Variants in IL21R observed in about 807,000 individuals in gnomAD.
IL21R encodes the protein interleukin-21 receptor.
IL21R carries 14 observed loss-of-function variants against 41.3 expected under a neutral mutation model. The ratio of observed to expected loss-of-function variants is 0.34; its 90% CI spans 0.22 to 0.53. The LOEUF (loss-of-function observed/expected upper bound fraction) is 0.53. Among genes scored for constraint, IL21R ranks in the 20% least tolerant of loss-of-function variants. The pLI, the probability that IL21R is intolerant of heterozygous loss-of-function variation, is 0.94. For synonymous variants in IL21R, 286 were observed against 287.6 expected, an observed-to-expected ratio of 0.99 and a Z score of 0.05; for missense variants, 588 against 681.6, an observed-to-expected ratio of 0.86 and a Z score of 1.53.
intron 3 of IL21R, among the ~76,000 whole-genome samples, chr16:27,436,812 C>A (rs1387970596): frequency 2.0e-5 from 3 of 152,182 alleles, no homozygotes; most frequent in Non-Finnish European, 4.4e-5. Context: ...GTGGCTCAGT[C>A]CTGTAATCCC....
At chr16:27,403,864 C>T (rs533129671) in intron 1 of IL21R, among the ~76,000 whole-genome samples, 3 of 152,300 alleles carry the variant, frequency 2.0e-5, no homozygotes, top group East Asian at 1.9e-4. Context: ...GGCACTTAAG[C>T]GTCTCCCATA....
At chr16:27,403,229 C>A in intron 1 of IL21R, 2 of 1,334,012 alleles carry the variant, frequency 1.5e-6, no homozygotes, top group Non-Finnish European at 2.0e-6. Context: ...TGGTAAGAGG[C>A]CAACCCAGTT....
intron 3 of IL21R, among the ~76,000 whole-genome samples, chr16:27,437,152 T>A (rs1308456449): frequency 2.0e-5 from 3 of 152,316 alleles, no homozygotes; most frequent in Non-Finnish European, 4.4e-5. Context: ...AGCCATCTGG[T>A]TGTTGGGACC....
rs2087577890 is a variant in IL21R, at chr16:27,450,606, CAG to C, written c.*1326_*1327del. 4.8e-6 allele frequency: 1 copy of C among 208,002 alleles called. No individual in the cohort carries two copies. Among genetic ancestry groups the C allele is most frequent in the Non-Finnish European group, 9.6e-6 (1 of 104,278 alleles). The allele number at this position is 208,002 out of a possible 1,614,324, so 12.9% of individuals were successfully genotyped here. On this transcript the variant is annotated 3_prime_UTR_variant, in exon 9 of 9. Coordinates refer to ENST00000337929, the MANE Select transcript of IL21R (RefSeq NM_181078.3). The stretch of plus-strand genomic sequence containing the variant: ...TCTTTTTTTTTTTTTTCTTTTGAGA[CAG>C]AGTCTCACTCTCGTCGCCCAGGCTG...
At position 27,451,315 on chromosome 16, in the gene IL21R, G is replaced by A; in HGVS notation, c.*2032G>A. On this transcript the variant is annotated 3_prime_UTR_variant, in exon 9 of 9. Transcript: ENST00000337929. ...GTGGCGGAGGGGAACACAGATGGTT[G>A]GGGAAGGCCTGAGGCCAGATTGGGG... 1 of 228,478 alleles carries A rather than the reference G, an allele frequency of 4.4e-6. No individual in the cohort carries two copies. The highest frequency in any genetic ancestry group is 6.2e-5 in the East Asian group (1 of 16,058). 14.2% of individuals were successfully genotyped at this position (228,478 alleles called of 1,614,324 possible).
chr16:27,411,506 A>AGGCT lies in IL21R; in HGVS notation c.-17+8891_-17+8894dup, dbSNP rs371021223. ...GAGACAGAGTCTTGCTCTGTTGCCC[A>AGGCT]GGCTGGAGTGCAGTGGTGTGATCTT... is the stretch of plus-strand genomic sequence containing the variant. On this transcript the variant is annotated intron_variant, in intron 1 of 8. Transcript: ENST00000337929. 6.1e-3 allele frequency among the ~76,000 whole-genome samples: 716 copies of AGGCT among 117,310 alleles called. 12 individuals carry two copies. The highest frequency in any genetic ancestry group is 0.022 in the African/African-American group (649 of 29,726). 77.0% of individuals were successfully genotyped at this position (117,310 alleles called of 152,430 possible). A position where few individuals can be genotyped will look rare whatever the true frequency, so the allele number is the denominator to read the frequency against.
chr16:27,423,760 T>C (rs188554706), intron 1 of IL21R, among the ~76,000 whole-genome samples: 3 of 152,338 alleles, frequency 2.0e-5, no homozygotes, highest in Admixed American at 2.0e-4. Context: ...CTCCTGATGA[T>C]GGCTATTTAG....
At chr16:27,407,692 G>A (rs1039377446) in intron 1 of IL21R, among the ~76,000 whole-genome samples, 8 of 152,300 alleles carry the variant, frequency 5.3e-5, no homozygotes, top group African/African-American at 1.9e-4. Flanking sequence ...AAGCTTGGTA[G>A]CCCATGCCTG....
Position 27,445,224 on chromosome 16 carries a change from G to A in IL21R, c.733G>A (p.Val245Ile). ...NPHLLLLLLL[V>I]IVFIPAFWSL... ...TCACCTGCTGCTTCTCCTCCTGCTT[G>A]TCATAGTCTTCATTCCTGCCTTCTG... The change falls in exon 7 of 9, where the codon GTC (valine) becomes ATC (isoleucine). Residue 245 changes from valine to isoleucine, a missense_variant. Physicochemically the swap from Val to Ile is conservative, Grantham distance 29. Coordinates refer to ENST00000337929, the MANE Select transcript of IL21R (RefSeq NM_181078.3). 6.2e-7 allele frequency: 1 copy of A among 1,614,110 alleles called. No homozygotes were observed. The highest frequency in any genetic ancestry group is 8.5e-7 in the Non-Finnish European group (1 of 1,180,006).
At chr16:27,441,324 T>C (rs2087385162) in intron 4 of IL21R, among the ~76,000 whole-genome samples, 1 of 152,352 alleles carries the variant, frequency 6.6e-6, no homozygotes, top group East Asian at 1.9e-4. Flanking sequence ...CCTTAACATA[T>C]TGTGTTCTGC....
intron 1 of IL21R, among the ~76,000 whole-genome samples, chr16:27,411,035 T>A (rs994959326): frequency 6.6e-6 from 1 of 152,256 alleles, no homozygotes; most frequent in Non-Finnish European, 1.5e-5. Context: ...TTCCATTATG[T>A]ATGTACTACA....
chr16:27,403,283 G>T, intron 1 of IL21R: 2 of 1,307,608 alleles, frequency 1.5e-6, no homozygotes, highest in Non-Finnish European at 1.0e-6. Context: ...GTCAGTGGAG[G>T]CTGAGCCTTG....
chr16:27,403,123 T>C (rs2086685707), intron 1 of IL21R: 1 of 790,170 alleles, frequency 1.3e-6, no homozygotes, highest in African/African-American at 1.7e-5. Flanking sequence ...TTTCCCTCGG[T>C]GACTCAACTG....
chr16:27,417,275 C>T (rs994000107), intron 1 of IL21R, among the ~76,000 whole-genome samples: 1 of 151,350 alleles, frequency 6.6e-6, no homozygotes, highest in Non-Finnish European at 1.5e-5. Flanking sequence ...GATCCTCCCA[C>T]CTTAGCCTCC....
In IL21R at chr16:27,434,440, C is replaced by T. The variant is rs746657855; in HGVS notation, c.143C>T (p.Thr48Ile). The change falls in exon 3 of 9, where the codon ACC (threonine) becomes ATC (isoleucine). Residue 48 changes from threonine to isoleucine, a missense_variant. Physicochemically the swap from Thr to Ile is moderately conservative, Grantham distance 89. Transcript: ENST00000337929. Reference protein sequence around the residue: ...EMWNLHPSTLTLTWQDQYEEL... With the variant: ...EMWNLHPSTLILTWQDQYEEL... ...TGGAACCTCCACCCCAGCACGCTCA[C>T]CCTTACCTGGTAAGTAGCCGGGCCT... 1.2e-6 allele frequency: 2 copies of T among 1,610,526 alleles called. No homozygotes were observed. Among genetic ancestry groups the T allele is most frequent in the African/African-American group, 1.3e-5 (1 of 74,984 alleles).
In IL21R at chr16:27,449,491, T is replaced by C. The variant is rs546817713; in HGVS notation, c.*208T>C. 2.8e-5 allele frequency: 17 copies of C among 598,152 alleles called. No individual in the cohort carries two copies. In the South Asian group the frequency reaches 3.6e-4, roughly 13 times the overall value. The allele number at this position is 598,152 out of a possible 1,614,324, so 37.1% of individuals were successfully genotyped here. A position where few individuals can be genotyped will look rare whatever the true frequency, so the allele number is the denominator to read the frequency against. On this transcript the variant is annotated 3_prime_UTR_variant, in exon 9 of 9. Coordinates refer to ENST00000337929, the MANE Select transcript of IL21R (RefSeq NM_181078.3). ...GTGTGTGTGTGTCTTAGGTGCGCAGTGGCATGTCCACGTGTGTGTGTGATT... is the reference window on the plus strand; with the variant it reads ...GTGTGTGTGTGTCTTAGGTGCGCAGCGGCATGTCCACGTGTGTGTGTGATT...
At chr16:27,437,714 G>A in intron 4 of IL21R, 27 bp downstream of exon 4, 1 of 1,593,926 alleles carries the variant, frequency 6.3e-7, no homozygotes, top group Non-Finnish European at 8.6e-7. Context: ...CCCAGGCTTA[G>A]GGTGGCACTC....
Position 27,448,583 on chromosome 16 carries a change from G to C in IL21R, c.917G>C (p.Trp306Ser), listed in dbSNP as rs1275225210. Residue 306 changes from tryptophan (W) to serine (S), a missense_variant, in exon 9 of 9, where the codon TGG (tryptophan) becomes TCG (serine). Trp to Ser is a radical substitution (Grantham distance 177). Transcript: ENST00000337929. ...FTGSSLELGPWSPEVPSTLEV... is the reference protein window; with the variant it reads ...FTGSSLELGPSSPEVPSTLEV... ...GGCTCCAGCCTGGAGCTGGGACCCT[G>C]GAGCCCAGAGGTGCCCTCCACCCTG... 1 of 1,612,398 alleles carries C rather than the reference G, an allele frequency of 6.2e-7. No homozygotes were observed.
At chr16:27,442,873 G>A (rs1483015810) in intron 4 of IL21R, 89 bp from the exon 5 acceptor site, 65 of 1,237,184 alleles carry the variant, frequency 5.3e-5, no homozygotes, top group Non-Finnish European at 7.3e-5. Flanking sequence ...GCAGGGGTGG[G>A]GGCAGGCAGG....
Sources: gnomAD v4.1 joint callset for allele counts (sites outside exome capture counted in the v4.1 genomes callset) on GRCh38, gnomAD v4.1.1 for gene constraint, MANE v1.5 for transcripts, NCBI Gene and HGNC (gene_info 2026-07-23, HGNC 2026-07-21) for gene names.